DCDC1: variants seen among roughly 807,000 people sequenced by gnomAD.
DCDC1 encodes the protein doublecortin domain-containing protein 1.
DCDC1 carries 200 observed loss-of-function variants against 178.3 expected under a neutral mutation model. The observed-to-expected ratio is 1.12, with a 90% CI of 1.00 to 1.26. The LOEUF (loss-of-function observed/expected upper bound fraction) is 1.26, where lower values mean the gene tolerates loss of function less well. DCDC1 is among the 50% of genes most tolerant of loss of function. DCDC1 has a pLI of 0.00. For synonymous variants in DCDC1, 690 were observed against 604.8 expected, an observed-to-expected ratio of 1.14 and a Z score of -2.07; for missense variants, 1,983 against 1,749.2, an observed-to-expected ratio of 1.13 and a Z score of -2.38.
chr11:31,264,940 A>C (rs1945043895), intron 8 of DCDC1, among the ~76,000 whole-genome samples: 1 of 152,166 alleles, frequency 6.6e-6, no homozygotes, highest in South Asian at 2.1e-4. Context: ...CACCTATACC[A>C]TGAAGTTGCT....
At chr11:31,153,031 A>T (rs1264084776) in intron 9 of DCDC1, among the ~76,000 whole-genome samples, 3 of 152,176 alleles carry the variant, frequency 2.0e-5, no homozygotes, top group Non-Finnish European at 4.4e-5. Context: ...TATTCTCAAT[A>T]CTGGGTCAAA....
intron 3 of DCDC1, among the ~76,000 whole-genome samples, chr11:31,321,581 T>G (rs1480268674): frequency 6.6e-6 from 1 of 152,038 alleles, no homozygotes; most frequent in Non-Finnish European, 1.5e-5. Flanking sequence ...ATGAACCCGG[T>G]ACCTCAGATG....
At chr11:31,253,358 T>A (rs1023725549) in intron 8 of DCDC1, among the ~76,000 whole-genome samples, 14 of 143,914 alleles carry the variant, frequency 9.7e-5, no homozygotes, top group Admixed American at 2.1e-4. Context: ...TTTTGGAGAT[T>A]TTTTTTTTTT....
chr11:30,916,988 G>A lies in DCDC1; in HGVS notation c.3334C>T (p.His1112Tyr). 2 of 1,609,686 alleles carry A rather than the reference G, an allele frequency of 1.2e-6. No homozygotes were observed. The highest frequency in any genetic ancestry group is 1.7e-6 in the Non-Finnish European group (2 of 1,178,004). The change falls in exon 26 of 39, where the codon CAC becomes TAC. Residue 1112 changes from histidine (H) to tyrosine (Y), a missense_variant. By Grantham distance (83) the His-to-Tyr change is moderately conservative. Coordinates refer to ENST00000684477, the MANE Select transcript of DCDC1 (RefSeq NM_001387274.1). ...VRAHLRMKAC[H>Y]TLPRYAWQET... is the part of the protein sequence containing the mutation. Reference sequence around the variant, plus strand: ...TGCCAGGCATACCTGGGAAGTGTGTGACAAGCCTTCATTCGAAGATGAGCT... The same window carrying A: ...TGCCAGGCATACCTGGGAAGTGTGTAACAAGCCTTCATTCGAAGATGAGCT...
At chr11:31,297,641 G>T (rs1219765780) in intron 6 of DCDC1, among the ~76,000 whole-genome samples, 6 of 152,058 alleles carry the variant, frequency 3.9e-5, no homozygotes, top group Non-Finnish European at 7.4e-5. Flanking sequence ...CACCATGCCC[G>T]GCCCCCATAC....
chr11:31,280,758 G>T (rs1221395351), intron 7 of DCDC1: 3 of 597,064 alleles, frequency 5.0e-6, no homozygotes, highest in Non-Finnish European at 9.5e-6. Context: ...TTTATTCTAG[G>T]GATGTACTTC....
intron 20 of DCDC1, among the ~76,000 whole-genome samples, chr11:30,976,198 A>G (rs1382460330): frequency 6.6e-6 from 1 of 152,088 alleles, no homozygotes; most frequent in African/African-American, 2.4e-5. Flanking sequence ...CTCAAGATGA[A>G]TTGAAAACTT....
chr11:30,940,818 T>C (rs1201667328), intron 21 of DCDC1, among the ~76,000 whole-genome samples: 1 of 152,288 alleles, frequency 6.6e-6, no homozygotes, highest in South Asian at 2.1e-4. Context: ...TCTGTCACCA[T>C]TGGCAGAACA....
In DCDC1 at chr11:30,864,708, T is replaced by C. The variant is rs1224573546; in HGVS notation, c.*665A>G. 1 of 151,980 alleles carries C rather than the reference T, an allele frequency of 6.6e-6. No homozygotes were observed. The highest frequency in any genetic ancestry group is 6.6e-5 in the Admixed American group (1 of 15,234). The allele number at this position is 151,980 out of a possible 1,614,324, so 9.4% of individuals were successfully genotyped here. The stretch of plus-strand genomic sequence containing the variant: ...GGTGTTCCTGCCCTCTAGGCACTTA[T>C]CATTTAGTTGGGGAGACAAAACATG... On this transcript the variant is annotated 3_prime_UTR_variant, in exon 39 of 39. Coordinates refer to ENST00000684477, the MANE Select transcript of DCDC1 (RefSeq NM_001387274.1).
At chr11:31,200,439 T>TC (rs1034363138) in intron 9 of DCDC1, among the ~76,000 whole-genome samples, 19 of 152,062 alleles carry the variant, frequency 1.2e-4, no homozygotes, top group Non-Finnish European at 2.4e-4. Context: ...AAAGGATTTT[T>TC]GAAAAACCAG....
At chr11:30,927,039 A>G (rs1946630812) in intron 22 of DCDC1, among the ~76,000 whole-genome samples, 1 of 152,122 alleles carries the variant, frequency 6.6e-6, no homozygotes, top group Admixed American at 6.6e-5. Context: ...GAGCTGTTCT[A>G]CACTCTTTCA....
intron 9 of DCDC1, among the ~76,000 whole-genome samples, chr11:31,162,577 T>A (rs1229680948): frequency 6.6e-6 from 1 of 152,156 alleles, no homozygotes; most frequent in Non-Finnish European, 1.5e-5. Flanking sequence ...ATATCATATT[T>A]ATTTAAAATA....
At chr11:31,250,421 C>CATATACATATATATATAT (rs1943920511) in intron 8 of DCDC1, among the ~76,000 whole-genome samples, 5 of 52,954 alleles carry the variant, frequency 9.4e-5, no homozygotes, top group African/African-American at 2.5e-4. Context: ...CACACATATA[C>CATATACATATATATATAT]ATATATATGT....
At chr11:31,061,330 C>A (rs538527819) in intron 20 of DCDC1, among the ~76,000 whole-genome samples, 158 of 152,198 alleles carry the variant, frequency 1.0e-3, no homozygotes, top group Middle Eastern at 6.8e-3. Flanking sequence ...ACACTTAATG[C>A]CAGAATATGG....
At chr11:31,256,551 C>G (rs927101352) in intron 8 of DCDC1, among the ~76,000 whole-genome samples, 1 of 152,164 alleles carries the variant, frequency 6.6e-6, no homozygotes, top group Non-Finnish European at 1.5e-5. Context: ...ACTTATGAAG[C>G]AGCTTTCACT....
At chr11:30,996,658 T>G (rs980383547) in intron 20 of DCDC1, among the ~76,000 whole-genome samples, 1 of 152,194 alleles carries the variant, frequency 6.6e-6, no homozygotes, top group Non-Finnish European at 1.5e-5. Flanking sequence ...GGCACAGTCT[T>G]GGAAGAAAAG....
At chr11:30,906,180 T>C (rs1945046768) in intron 30 of DCDC1, 1 of 186,074 alleles carries the variant, frequency 5.4e-6, no homozygotes, top group Non-Finnish European at 1.1e-5. Context: ...AAATGTTCCA[T>C]GCTAGTAAAA....
At chr11:30,869,488 G>A (rs1941333184) in intron 38 of DCDC1, among the ~76,000 whole-genome samples, 1 of 152,164 alleles carries the variant, frequency 6.6e-6, no homozygotes, top group Admixed American at 6.5e-5. Flanking sequence ...TATGTAGTAA[G>A]GGCTATTCAG....
chr11:31,046,692 A>G (rs1954865609), intron 20 of DCDC1, among the ~76,000 whole-genome samples: 1 of 151,760 alleles, frequency 6.6e-6, no homozygotes, highest in African/African-American at 2.4e-5. Context: ...GGGAACTTAT[A>G]CCAGTTAGAA....
Sources: gnomAD v4.1 joint callset for allele counts (sites outside exome capture counted in the v4.1 genomes callset) on GRCh38, gnomAD v4.1.1 for gene constraint, MANE v1.5 for transcripts, NCBI Gene and HGNC (gene_info 2026-07-23, HGNC 2026-07-21) for gene names.